The following DLC1 variants were observed in gnomAD, a reference collection of about 807,000 sequenced individuals.
The protein encoded by DLC1 is rho GTPase-activating protein 7.
Under a neutral mutation model 140.3 loss-of-function variants are expected in DLC1, and 54 were observed. That is an observed-to-expected ratio of 0.38 (90% CI 0.31 to 0.48). The LOEUF is 0.48. Ranked by LOEUF, DLC1 falls within the 20% of genes least tolerant of loss-of-function variation. DLC1 has a pLI of 0.96. For synonymous variants in DLC1, 986 were observed against 728.1 expected, an observed-to-expected ratio of 1.35 and a Z score of -5.70; for missense variants, 2,536 against 1,907.0, an observed-to-expected ratio of 1.33 and a Z score of -6.14.
intron 5 of DLC1, among the ~76,000 whole-genome samples, chr8:13,249,592 A>G (rs1829915899): frequency 6.6e-6 from 1 of 151,854 alleles, no homozygotes; most frequent in African/African-American, 2.4e-5. Context: ...TGATTCAACA[A>G]TTTTCTTATT....
At chr8:13,304,413 A>G (rs1449269547) in intron 5 of DLC1, among the ~76,000 whole-genome samples, 2 of 152,232 alleles carry the variant, frequency 1.3e-5, no homozygotes, top group Non-Finnish European at 2.9e-5. Flanking sequence ...GACACAAACT[A>G]GGAAAATTCT....
At chr8:13,258,706 A>C (rs1830358089) in intron 5 of DLC1, among the ~76,000 whole-genome samples, 1 of 152,322 alleles carries the variant, frequency 6.6e-6, no homozygotes, top group Admixed American at 6.5e-5. Flanking sequence ...GGAACATAGT[A>C]TGTCCTACAT....
chr8:13,084,398 ATACAT>A lies in DLC1; in HGVS notation c.*1408_*1412del, dbSNP rs1377445744. On this transcript the variant is annotated 3_prime_UTR_variant, in exon 18 of 18. Coordinates refer to ENST00000276297, the MANE Select transcript of DLC1 (RefSeq NM_182643.3). The stretch of plus-strand genomic sequence containing the variant: ...AAAATCCTTCTTACAGCTCTCATTC[ATACAT>A]TATTCACTTTTGATCCATACACAAT... The A allele has an allele frequency of 6.6e-6, 1 of 152,636 alleles. No homozygotes were observed. Among genetic ancestry groups the A allele is most frequent in the African/African-American group, 2.4e-5 (1 of 41,446 alleles). The allele number at this position is 152,636 out of a possible 1,614,324, so 9.5% of individuals were successfully genotyped here.
At chr8:13,585,129 A>G (rs1240135813) in intron 1 of DLC1, among the ~76,000 whole-genome samples, 2 of 152,242 alleles carry the variant, frequency 1.3e-5, no homozygotes, top group East Asian at 1.9e-4. Flanking sequence ...TTTTTAACAA[A>G]TATGTGTAAT....
intron 2 of DLC1, among the ~76,000 whole-genome samples, chr8:13,491,936 A>G (rs989043118): frequency 6.6e-6 from 1 of 152,232 alleles, no homozygotes; most frequent in African/African-American, 2.4e-5. Context: ...AGCACTGCGG[A>G]CACAAGGTTG....
chr8:13,283,681 ATT>A, intron 5 of DLC1, among the ~76,000 whole-genome samples: 1 of 152,126 alleles, frequency 6.6e-6, no homozygotes, highest in South Asian at 2.1e-4. Flanking sequence ...TGCCTGGCTT[ATT>A]TTTTAATGTT....
chr8:13,427,953 A>G (rs919999192), intron 2 of DLC1, among the ~76,000 whole-genome samples: 2 of 152,166 alleles, frequency 1.3e-5, no homozygotes, highest in Admixed American at 1.3e-4. Context: ...CTGCTTGACC[A>G]TCTGGCCAGA....
intron 2 of DLC1, among the ~76,000 whole-genome samples, chr8:13,432,791 C>T (rs946768912): frequency 2.6e-5 from 4 of 152,108 alleles, no homozygotes; most frequent in African/African-American, 9.7e-5. Context: ...ATGAAGTCTA[C>T]TCAGGAGGTG....
At chr8:13,355,954 G>C (rs989265503) in intron 4 of DLC1, among the ~76,000 whole-genome samples, 6 of 151,418 alleles carry the variant, frequency 4.0e-5, no homozygotes, top group Admixed American at 6.6e-5. Flanking sequence ...GCCAGGCATA[G>C]TGGCGGGCAC....
intron 4 of DLC1, among the ~76,000 whole-genome samples, chr8:13,382,763 C>G (rs938503635): frequency 1.3e-5 from 2 of 152,082 alleles, no homozygotes; most frequent in Non-Finnish European, 2.9e-5. Flanking sequence ...GAGAACTATT[C>G]AGGCAGTTCT....
At chr8:13,436,657 G>A (rs959471899) in intron 2 of DLC1, among the ~76,000 whole-genome samples, 1 of 152,214 alleles carries the variant, frequency 6.6e-6, no homozygotes, top group African/African-American at 2.4e-5. Flanking sequence ...ACAGACGAAC[G>A]GAGGAGGAAA....
At chr8:13,594,488 C>T (rs778180385) in intron 1 of DLC1, among the ~76,000 whole-genome samples, 2 of 152,060 alleles carry the variant, frequency 1.3e-5, no homozygotes, top group African/African-American at 2.4e-5. Context: ...GTCTCTTTTC[C>T]TTCCTCTGCA....
chr8:13,390,038 A>C (rs1427924697), intron 4 of DLC1, among the ~76,000 whole-genome samples: 4 of 152,148 alleles, frequency 2.6e-5, no homozygotes, highest in Admixed American at 2.6e-4. Flanking sequence ...ATTACATATC[A>C]TTTATTCCTT....
chr8:13,401,584 G>A lies in DLC1; in HGVS notation c.1059C>T (p.Asp353=), dbSNP rs1265373666. The A allele has an allele frequency of 3.7e-6, 6 of 1,613,694 alleles. No individual in the cohort carries two copies. The highest frequency in any genetic ancestry group is 5.1e-6 in the Non-Finnish European group (6 of 1,179,966). ...IREDRDRARL[D]SMVLLIMKLD... is the part of the protein sequence containing the mutation. ...GTTTCATAATCAGCAGCACCATGGA[G>A]TCCAGCCGCGCCCTATCTCGATCTT... Residue 353 remains aspartate (D), a synonymous_variant, in exon 3 of 18, where the codon GAC becomes GAT. Coordinates refer to ENST00000276297, the MANE Select transcript of DLC1 (RefSeq NM_182643.3).
At chr8:13,430,830 T>G (rs1283591795) in intron 2 of DLC1, among the ~76,000 whole-genome samples, 1 of 152,232 alleles carries the variant, frequency 6.6e-6, no homozygotes, top group Non-Finnish European at 1.5e-5. Context: ...ATTTTATTGC[T>G]GCTAAATTTC....
In DLC1 at chr8:13,480,237, C is replaced by G. The variant is rs564540096; in HGVS notation, c.1023+18812G>C. 6.1e-4 allele frequency among the ~76,000 whole-genome samples: 93 copies of G among 151,992 alleles called. 2 individuals carry two copies. In the South Asian group the frequency reaches 0.019, roughly 31 times the overall value. On this transcript the variant is annotated intron_variant, in intron 2 of 17. Transcript: ENST00000276297. ...GTTTGATTATTGGTTAAAATATGAGCCAAACAAGGACCCATAAAAGCTTAA... is the reference window on the plus strand; with the variant it reads ...GTTTGATTATTGGTTAAAATATGAGGCAAACAAGGACCCATAAAAGCTTAA...
chr8:13,552,580 A>C (rs1803904037), intron 1 of DLC1, among the ~76,000 whole-genome samples: 1 of 151,554 alleles, frequency 6.6e-6, no homozygotes, highest in Non-Finnish European at 1.5e-5. Context: ...GGGCAGTTAT[A>C]TAAATGACTA....
At chr8:13,444,699 C>T (rs971575614) in intron 2 of DLC1, among the ~76,000 whole-genome samples, 2 of 152,172 alleles carry the variant, frequency 1.3e-5, no homozygotes, top group Non-Finnish European at 2.9e-5. Flanking sequence ...AAAATATTAT[C>T]ACACTGTGCT....
intron 1 of DLC1, among the ~76,000 whole-genome samples, chr8:13,521,448 C>T (rs1802764607): frequency 6.6e-6 from 1 of 152,058 alleles, no homozygotes; most frequent in African/African-American, 2.4e-5. Context: ...TGGCTTAGAG[C>T]CCACAGTCTT....
Sources: gnomAD v4.1 joint callset for allele counts (sites outside exome capture counted in the v4.1 genomes callset) on GRCh38, gnomAD v4.1.1 for gene constraint, MANE v1.5 for transcripts, NCBI Gene and HGNC (gene_info 2026-07-23, HGNC 2026-07-21) for gene names.